Variants in ANO5 observed in about 807,000 individuals in gnomAD.
ANO5 encodes the protein anoctamin 5.
A neutral mutation model predicts 121.0 loss-of-function variants in ANO5; 109 were observed. The observed-to-expected ratio is 0.90, with a 90% CI of 0.77 to 1.06. ANO5 has a LOEUF of 1.06. Ranked by LOEUF, ANO5 falls within the 50% of genes least tolerant of loss-of-function variation. The pLI is 0.00. For synonymous variants in ANO5, 406 were observed against 359.9 expected (o/e 1.13, Z -1.45); for missense variants, 1,064 against 1,078.5 (o/e 0.99, Z 0.19).
intron 3 of ANO5, among the ~76,000 whole-genome samples, chr11:22,214,025 C>G (rs1311773271): frequency 1.3e-5 from 2 of 151,844 alleles, no homozygotes; most frequent in Non-Finnish European, 2.9e-5. Context: ...ACCTTGGCCT[C>G]CCTGAGATTA....
intron 18 of ANO5, 38 bp downstream of exon 18, chr11:22,270,480 A>G (rs747943988): frequency 1.2e-6 from 2 of 1,612,650 alleles, no homozygotes; most frequent in Non-Finnish European, 1.7e-6. Flanking sequence ...TAGAGTTGGC[A>G]TGAATGAGTG....
At chr11:22,194,489 C>T (rs997482987) in intron 1 of ANO5, among the ~76,000 whole-genome samples, 1 of 152,094 alleles carries the variant, frequency 6.6e-6, no homozygotes, top group Non-Finnish European at 1.5e-5. Context: ...ACCTATTTGA[C>T]GTGTAAAGTT....
chr11:22,227,718 T>C (rs1590246832), intron 7 of ANO5, 132 bp downstream of exon 7: 4 of 1,157,516 alleles, frequency 3.5e-6, no homozygotes, highest in Non-Finnish European at 5.0e-6. Flanking sequence ...TTTGGTGATA[T>C]TGGGGAGTTT....
At chr11:22,208,385 T>C (rs1852182387) in intron 2 of ANO5, among the ~76,000 whole-genome samples, 1 of 152,024 alleles carries the variant, frequency 6.6e-6, no homozygotes, top group Non-Finnish European at 1.5e-5. Flanking sequence ...ACAACTTGGA[T>C]AGATCTCCAG....
chr11:22,203,665 A>AT (rs1328685039), intron 1 of ANO5, 139 bp from the exon 2 acceptor site: 3 of 580,530 alleles, frequency 5.2e-6, no homozygotes, highest in South Asian at 2.1e-5. Flanking sequence ...GCTCCGAATC[A>AT]TCTTGTATCT....
chr11:22,203,055 C>T (rs947214836), intron 1 of ANO5, among the ~76,000 whole-genome samples: 2 of 152,054 alleles, frequency 1.3e-5, no homozygotes, highest in Non-Finnish European at 2.9e-5. Flanking sequence ...TTGTTCTGGG[C>T]TCTCTGTTCA....
chr11:22,279,875 TTTTC>T lies in ANO5; in HGVS notation c.*114_*117del, dbSNP rs1374310488. On this transcript the variant is annotated 3_prime_UTR_variant, in exon 22 of 22. Coordinates refer to ENST00000324559, the MANE Select transcript of ANO5 (RefSeq NM_213599.3). ...CAATTTTACCCTTTCTTTTTTTTTT[TTTTC>T]TTTTTTTTTTTAAACTCAAAGTTTT... 1.5e-5 allele frequency: 15 copies of T among 990,444 alleles called. No individual in the cohort carries two copies. Among genetic ancestry groups the T allele is most frequent in the Middle Eastern group, 2.9e-4 (1 of 3,460 alleles). The allele number at this position is 990,444 out of a possible 1,614,324, so 61.4% of individuals were successfully genotyped here.
chr11:22,251,978 C>T (rs1055452842), intron 12 of ANO5, among the ~76,000 whole-genome samples: 1 of 134,290 alleles, frequency 7.4e-6, no homozygotes, highest in South Asian at 2.5e-4. Flanking sequence ...TGCAGTGAGC[C>T]GAGATTGTGC....
At chr11:22,278,082 T>TA (rs1159904196) in intron 21 of ANO5, 1 of 151,748 alleles carries the variant, frequency 6.6e-6, no homozygotes, top group East Asian at 1.9e-4. Flanking sequence ...ATTTTGAAGA[T>TA]ATTGCTTCAT....
chr11:22,277,538 T>A (rs1854910196), intron 21 of ANO5, among the ~76,000 whole-genome samples: 1 of 151,570 alleles, frequency 6.6e-6, no homozygotes, highest in South Asian at 2.1e-4. Flanking sequence ...TAGTCAGGGT[T>A]TATAAATTAT....
Position 22,262,172 on chromosome 11 carries a change from G to A in ANO5, c.1674G>A (p.Leu558=), listed in dbSNP as rs746036892. 6.2e-7 allele frequency: 1 copy of A among 1,613,914 alleles called. No individual in the cohort carries two copies. Among genetic ancestry groups the A allele is most frequent in the Non-Finnish European group, 8.5e-7 (1 of 1,179,952 alleles). The change falls in exon 16 of 22, where the codon TTG becomes TTA. Residue 558 remains leucine (L), a synonymous_variant. Coordinates refer to ENST00000324559, the MANE Select transcript of ANO5 (RefSeq NM_213599.3). ...TYQEYESSLT[L]KMFLFQFVNF... Reference sequence around the variant, plus strand: ...AGGAGTATGAGAGCAGTCTTACCTTGAAAATGTTCCTGTTTCAGTTTGTAA... The same window carrying A: ...AGGAGTATGAGAGCAGTCTTACCTTAAAAATGTTCCTGTTTCAGTTTGTAA...
intron 1 of ANO5, among the ~76,000 whole-genome samples, chr11:22,193,876 G>A (rs1308781522): frequency 2.6e-5 from 4 of 152,150 alleles, no homozygotes; most frequent in Non-Finnish European, 4.4e-5. Context: ...CAGTGCTTGG[G>A]TCTCCGAACC....
rs1854676248 is a variant in ANO5, at chr11:22,272,903, A to C, written c.2149A>C (p.Arg717=). 1 of 1,614,028 alleles carries C rather than the reference A, an allele frequency of 6.2e-7. No individual in the cohort carries two copies. The highest frequency in any genetic ancestry group is 8.5e-7 in the Non-Finnish European group (1 of 1,180,022). The change falls in exon 19 of 22, where the codon AGG becomes CGG. Residue 717 remains arginine, a synonymous_variant. Transcript: ENST00000324559. ...TGCCTGGAAACTTACCACTCAATACAGGAGAACTGTAGCTTCTAAAGCTCA... is the reference window on the plus strand; with the variant it reads ...TGCCTGGAAACTTACCACTCAATACCGGAGAACTGTAGCTTCTAAAGCTCA... ...VDAWKLTTQY[R]RTVASKAHSI...
intron 18 of ANO5, among the ~76,000 whole-genome samples, chr11:22,271,238 T>C (rs996342526): frequency 2.0e-5 from 3 of 152,102 alleles, no homozygotes; most frequent in Non-Finnish European, 4.4e-5. Context: ...GTATTTTTAG[T>C]AGAGTCGGGG....
At chr11:22,270,746 G>C (rs150432894) in intron 18 of ANO5, among the ~76,000 whole-genome samples, 106 of 152,182 alleles carry the variant, frequency 7.0e-4, no homozygotes, top group Admixed American at 2.4e-3. Context: ...TCTCAAATTC[G>C]CTTTGATGGC....
chr11:22,279,559 G>A lies in ANO5; in HGVS notation c.2536G>A (p.Val846Ile), dbSNP rs184158562. 4.3e-6 allele frequency: 7 copies of A among 1,612,006 alleles called. No individual in the cohort carries two copies. The East Asian group carries it at 1.6e-4, about 36-fold the overall frequency. The change falls in exon 22 of 22, where the codon GTT becomes ATT. Residue 846 changes from valine (V) to isoleucine (I), a missense_variant. Transcript: ENST00000324559. ...IIVMEHVVFLVKFLLAWMIPD... is the reference protein window; with the variant it reads ...IIVMEHVVFLIKFLLAWMIPD... ...TTTCCTCTAGCATGTTGTGTTTTTA[G>A]TTAAATTTTTGCTGGCCTGGATGAT...
intron 8 of ANO5, among the ~76,000 whole-genome samples, chr11:22,238,001 C>G (rs1389895860): frequency 6.6e-6 from 1 of 152,016 alleles, no homozygotes; most frequent in Non-Finnish European, 1.5e-5. Flanking sequence ...AAATGTAAAT[C>G]GTTGTTACAC....
chr11:22,214,712 C>A (rs151290312), intron 3 of ANO5, among the ~76,000 whole-genome samples: 2 of 151,960 alleles, frequency 1.3e-5, no homozygotes, highest in East Asian at 1.9e-4. Flanking sequence ...TCCAATCATT[C>A]GTGAGAAGCA....
At chr11:22,271,716 A>G (rs969932994) in intron 18 of ANO5, among the ~76,000 whole-genome samples, 1 of 152,244 alleles carries the variant, frequency 6.6e-6, no homozygotes, top group African/African-American at 2.4e-5. Context: ...ACAATTCTGC[A>G]GAGTATTCAT....
Sources: gnomAD v4.1 joint callset for allele counts (sites outside exome capture counted in the v4.1 genomes callset) on GRCh38, gnomAD v4.1.1 for gene constraint, MANE v1.5 for transcripts, NCBI Gene and HGNC (gene_info 2026-07-23, HGNC 2026-07-21) for gene names.